MERTK: variants seen among roughly 807,000 people sequenced by gnomAD.
MERTK encodes the protein tyrosine-protein kinase Mer.
Under a neutral mutation model 99.3 loss-of-function variants are expected in MERTK, and 69 were observed. The observed-to-expected ratio is 0.70, with a 90% CI of 0.57 to 0.85. The LOEUF is 0.85. Ranked by LOEUF, MERTK falls within the 40% of genes least tolerant of loss-of-function variation. The pLI, the probability that MERTK is intolerant of heterozygous loss-of-function variation, is 0.00. For missense variants in MERTK, 1,125 were observed against 1,249.4 expected, an observed-to-expected ratio of 0.90 and a Z score of 1.50; for synonymous variants, 426 against 467.6, an observed-to-expected ratio of 0.91 and a Z score of 1.15.
chr2:112,015,713 C>T (rs998903610), intron 15 of MERTK: 1 of 152,660 alleles, frequency 6.6e-6, no homozygotes, highest in Admixed American at 6.6e-5. Flanking sequence ...ATGAGTCATG[C>T]TTTTGCTCTC....
chr2:111,929,615 A>G (rs2104686999), intron 2 of MERTK, 75 bp downstream of exon 2: 1 of 710,742 alleles, frequency 1.4e-6, no homozygotes, highest in East Asian at 3.0e-5. Flanking sequence ...GAGACAGAGT[A>G]TCATTCTGTA....
intron 4 of MERTK, 108 bp from the exon 5 acceptor site, chr2:111,965,083 C>G (rs1170644159): frequency 8.9e-7 from 1 of 1,125,896 alleles, no homozygotes; most frequent in African/African-American, 1.6e-5. Flanking sequence ...CACTAATGCC[C>G]AAAAGCCATG....
rs1407824171 is a variant in MERTK at position 111,994,548 on chromosome 2, G to T, written c.1450+144G>T. The T allele has an allele frequency of 7.4e-6, 9 of 1,214,768 alleles. No homozygotes were observed. In the Admixed American group the frequency reaches 1.3e-4, roughly 18 times the overall value. The allele number at this position is 1,214,768 out of a possible 1,614,324, so 75.2% of individuals were successfully genotyped here. On this transcript the variant is annotated intron_variant, in intron 9 of 18. Coordinates refer to ENST00000295408, the MANE Select transcript of MERTK (RefSeq NM_006343.3). ...TATCTCAACACTTCAGGAGGCAAAA[G>T]CAGGAGGAGTTTGAGAACAACCTGG...
At chr2:111,911,644 G>A (rs933129030) in intron 1 of MERTK, among the ~76,000 whole-genome samples, 1 of 144,084 alleles carries the variant, frequency 6.9e-6, no homozygotes, top group African/African-American at 2.6e-5. Context: ...GCCCGTCTCA[G>A]CCTCCCAAGT....
At chr2:111,992,454 C>T (rs1676641798) in intron 8 of MERTK, among the ~76,000 whole-genome samples, 1 of 152,014 alleles carries the variant, frequency 6.6e-6, no homozygotes, top group African/African-American at 2.4e-5. Flanking sequence ...CTGCAATATC[C>T]TTAATAATAA....
chr2:111,947,279 C>A, intron 3 of MERTK, 115 bp from the exon 4 acceptor site: 1 of 604,680 alleles, frequency 1.7e-6, no homozygotes, highest in Non-Finnish European at 3.0e-6. Context: ...TCCCCACCCG[C>A]CCCCCACAAA....
At chr2:111,976,115 A>C (rs72825620) in intron 7 of MERTK, among the ~76,000 whole-genome samples, 3,201 of 152,346 alleles carry the variant, frequency 0.021, 57 homozygotes, top group Middle Eastern at 0.068. Context: ...AAAGGATATT[A>C]CAAAGGATAC....
intron 18 of MERTK, 163 bp from the exon 19 acceptor site, chr2:112,028,188 G>A (rs1006076255): frequency 1.3e-6 from 1 of 751,484 alleles, no homozygotes; most frequent in African/African-American, 1.8e-5. Context: ...ATTTACAAAA[G>A]TTGTATAAAT....
At chr2:111,963,271 G>A (rs1013809566) in intron 4 of MERTK, among the ~76,000 whole-genome samples, 14 of 152,242 alleles carry the variant, frequency 9.2e-5, no homozygotes, top group Admixed American at 5.9e-4. Context: ...ATACAATGGG[G>A]TTTTATACGG....
At chr2:112,004,826 C>T (rs1160275605) in intron 13 of MERTK, among the ~76,000 whole-genome samples, 4 of 150,920 alleles carry the variant, frequency 2.7e-5, no homozygotes, top group Admixed American at 2.0e-4. Context: ...CACTTGAACT[C>T]GGGAGGCGGA....
chr2:112,015,565 T>G (rs1386919570), intron 15 of MERTK, among the ~76,000 whole-genome samples: 1 of 152,246 alleles, frequency 6.6e-6, no homozygotes, highest in African/African-American at 2.4e-5. Context: ...GTTCTTTATA[T>G]GTTCTAAATA....
chr2:111,928,148 C>T (rs776170781), intron 1 of MERTK, among the ~76,000 whole-genome samples: 22 of 149,608 alleles, frequency 1.5e-4, no homozygotes, highest in Non-Finnish European at 2.8e-4. Flanking sequence ...TAGCTGGTAA[C>T]TTAAGAACAC....
intron 8 of MERTK, among the ~76,000 whole-genome samples, chr2:111,985,888 T>C (rs1676470121): frequency 6.6e-6 from 1 of 152,172 alleles, no homozygotes; most frequent in Admixed American, 6.5e-5. Flanking sequence ...TCATGGTATC[T>C]ATATGGAGCA....
At chr2:111,908,326 C>T (rs1038815135) in intron 1 of MERTK, among the ~76,000 whole-genome samples, 11 of 152,108 alleles carry the variant, frequency 7.2e-5, no homozygotes, top group African/African-American at 2.4e-4. Context: ...ACTCTTTATA[C>T]TCACATCTTA....
intron 4 of MERTK, among the ~76,000 whole-genome samples, chr2:111,962,278 C>T (rs1244979602): frequency 2.6e-5 from 4 of 152,136 alleles, no homozygotes; most frequent in African/African-American, 7.2e-5. Flanking sequence ...GAGGCCAAGG[C>T]AGGTGGATCA....
intron 18 of MERTK, among the ~76,000 whole-genome samples, chr2:112,022,950 C>T (rs558188201): frequency 6.6e-5 from 10 of 152,138 alleles, no homozygotes; most frequent in South Asian, 2.1e-4. Flanking sequence ...ATGATGCTTT[C>T]GGTACAAAGT....
intron 18 of MERTK, among the ~76,000 whole-genome samples, chr2:112,022,738 A>C (rs1349273491): frequency 6.6e-6 from 1 of 152,204 alleles, no homozygotes; most frequent in Non-Finnish European, 1.5e-5. Context: ...GTAGTGCATG[A>C]GGTCCTTGAA....
chr2:111,913,134 A>G (rs1684283735), intron 1 of MERTK: 3 of 949,388 alleles, frequency 3.2e-6, no homozygotes, highest in Admixed American at 6.2e-5. Flanking sequence ...TAGATTTGTA[A>G]CATTGCTTAA....
intron 1 of MERTK, chr2:111,913,136 A>G (rs1166245295): frequency 1.1e-6 from 1 of 945,632 alleles, no homozygotes; most frequent in Middle Eastern, 5.5e-4. Flanking sequence ...GATTTGTAAC[A>G]TTGCTTAAAG....
Sources: allele counts gnomAD v4.1 joint callset (sites outside exome capture counted in the v4.1 genomes callset), GRCh38; gene constraint gnomAD v4.1.1; transcripts MANE v1.5; gene names NCBI Gene and HGNC (gene_info 2026-07-23, HGNC 2026-07-21).